CATSPERE: variants seen among roughly 807,000 people sequenced by gnomAD.
CATSPERE encodes cation channel sperm-associated auxiliary subunit epsilon.
CATSPERE carries 93 observed loss-of-function variants against 114.1 expected under a neutral mutation model. The observed-to-expected ratio is 0.81, with a 90% confidence interval of 0.69 to 0.97. CATSPERE has a LOEUF of 0.97. Among genes scored for constraint, CATSPERE ranks in the 50% least tolerant of loss-of-function variants. The pLI is 0.00. For synonymous variants in CATSPERE, 341 were observed against 384.1 expected, an observed-to-expected ratio of 0.89 and a Z score of 1.31; for missense variants, 1,058 against 1,131.6, an observed-to-expected ratio of 0.93 and a Z score of 0.93.
chr1:244,584,867 C>T (rs938080388), intron 13 of CATSPERE, among the ~76,000 whole-genome samples: 1 of 152,126 alleles, frequency 6.6e-6, no homozygotes, highest in East Asian at 1.9e-4. Context: ...CCCAGGAAAT[C>T]GCCTGCAGGT....
chr1:244,627,772 C>CTTATTGGATTTCTCCTAATCCAATGG (rs1673396711), intron 20 of CATSPERE, among the ~76,000 whole-genome samples: 1 of 152,170 alleles, frequency 6.6e-6, no homozygotes, highest in African/African-American at 2.4e-5. Context: ...TCTCCTTATC[C>CTTATTGGATTTCTCCTAATCCAATGG]ACAGTTTCGC....
intron 17 of CATSPERE, among the ~76,000 whole-genome samples, chr1:244,604,380 C>T (rs1203797994): frequency 6.6e-6 from 1 of 152,210 alleles, no homozygotes; most frequent in Non-Finnish European, 1.5e-5. Flanking sequence ...AAATTTTTGT[C>T]CCCAGTTTGT....
At chr1:244,458,035 G>T (rs1385914278), upstream of CATSPERE, among the ~76,000 whole-genome samples, 3 of 152,138 alleles carry the variant, frequency 2.0e-5, no homozygotes, top group Admixed American at 6.5e-5. Flanking sequence ...AACAGTGGCT[G>T]CCCTAAAATG....
intron 5 of CATSPERE, 131 bp from the exon 6 acceptor site, chr1:244,490,316 A>T (rs1278822021): frequency 1.8e-6 from 1 of 556,438 alleles, no homozygotes; most frequent in Non-Finnish European, 3.1e-6. Flanking sequence ...TTTAGCCTTT[A>T]ATTTTATATA....
At chr1:244,631,665 A>G (rs1673960393) in intron 20 of CATSPERE, among the ~76,000 whole-genome samples, 1 of 152,280 alleles carries the variant, frequency 6.6e-6, no homozygotes, top group African/African-American at 2.4e-5. Flanking sequence ...ACCTCTCCAG[A>G]GAAGATAAAT....
At chr1:244,502,276 T>C (rs557887743) in intron 7 of CATSPERE, among the ~76,000 whole-genome samples, 2 of 152,360 alleles carry the variant, frequency 1.3e-5, no homozygotes, top group Admixed American at 1.3e-4. Flanking sequence ...ACATTTTTCC[T>C]GCTTTTACTT....
chr1:244,610,712 C>T (rs1670599974), intron 19 of CATSPERE: 1 of 211,372 alleles, frequency 4.7e-6, no homozygotes, highest in East Asian at 1.2e-4. Context: ...AAAACTTAAC[C>T]ATCACTTTCA....
intron 19 of CATSPERE, among the ~76,000 whole-genome samples, 187 bp from the exon 20 acceptor site, chr1:244,617,342 A>G (rs1573025812): frequency 6.6e-6 from 1 of 152,198 alleles, no homozygotes; most frequent in Non-Finnish European, 1.5e-5. Flanking sequence ...GCTTTCACTA[A>G]GCTTCACTTT....
intron 17 of CATSPERE, among the ~76,000 whole-genome samples, chr1:244,597,129 C>G (rs1668542897): frequency 6.6e-6 from 1 of 152,194 alleles, no homozygotes; most frequent in Non-Finnish European, 1.5e-5. Flanking sequence ...CTGACTCATC[C>G]TACAAATATA....
chr1:244,492,284 T>C (rs1289693010), intron 6 of CATSPERE, among the ~76,000 whole-genome samples: 1 of 152,150 alleles, frequency 6.6e-6, no homozygotes, highest in Non-Finnish European at 1.5e-5. Flanking sequence ...GCAAGGCTGG[T>C]TCAACATATG....
chr1:244,563,139 G>A (rs1662854249), intron 10 of CATSPERE, among the ~76,000 whole-genome samples: 2 of 152,186 alleles, frequency 1.3e-5, no homozygotes, highest in African/African-American at 4.8e-5. Context: ...TATCACTGAT[G>A]GGCATTTGGG....
chr1:244,561,666 TAAG>T (rs991086463), intron 10 of CATSPERE, among the ~76,000 whole-genome samples: 1 of 151,750 alleles, frequency 6.6e-6, no homozygotes. Flanking sequence ...GCCACAGTGA[TAAG>T]AAGACAAAGT....
At chr1:244,631,310 A>G (rs1673915497) in intron 20 of CATSPERE, among the ~76,000 whole-genome samples, 2 of 152,202 alleles carry the variant, frequency 1.3e-5, no homozygotes, top group African/African-American at 2.4e-5. Flanking sequence ...GAATATAGAA[A>G]TCATAGACCT....
intron 9 of CATSPERE, 122 bp from the exon 10 acceptor site, chr1:244,560,545 CA>C (rs1662398155): frequency 1.9e-6 from 1 of 536,242 alleles, no homozygotes; most frequent in Admixed American, 4.0e-5. Context: ...ACCTGTTCCC[CA>C]AAAACCTATT....
chr1:244,538,134 G>A (rs763496224), intron 8 of CATSPERE, among the ~76,000 whole-genome samples: 18 of 152,070 alleles, frequency 1.2e-4, no homozygotes, highest in Non-Finnish European at 1.8e-4. Flanking sequence ...GCCAGCCTGG[G>A]CAACATAATG....
intron 5 of CATSPERE, among the ~76,000 whole-genome samples, chr1:244,489,363 T>C (rs923918746): frequency 6.6e-6 from 1 of 151,850 alleles, no homozygotes; most frequent in Non-Finnish European, 1.5e-5. Flanking sequence ...TAGGGTTTTT[T>C]ATGCAGAATG....
At chr1:244,625,442 T>A (rs1427609073) in intron 20 of CATSPERE, among the ~76,000 whole-genome samples, 1 of 62,902 alleles carries the variant, frequency 1.6e-5, no homozygotes, top group Non-Finnish European at 2.8e-5. Context: ...ATTTTTTTTT[T>A]TTTTTGAGAT....
At chr1:244,620,952 T>C (rs1038881497) in intron 20 of CATSPERE, among the ~76,000 whole-genome samples, 2 of 144,548 alleles carry the variant, frequency 1.4e-5, no homozygotes, top group South Asian at 4.2e-4. Flanking sequence ...GCAAAATCCT[T>C]AGGGAAGATG....
intron 1 of CATSPERE, among the ~76,000 whole-genome samples, chr1:244,463,148 TTAAAA>T (rs1667073285): frequency 6.6e-6 from 1 of 152,198 alleles, no homozygotes; most frequent in South Asian, 2.1e-4. Context: ...TGAATAAAAC[TTAAAA>T]TTAATTAATT....
Sources: allele counts gnomAD v4.1 joint callset (sites outside exome capture counted in the v4.1 genomes callset), GRCh38; gene constraint gnomAD v4.1.1; transcripts MANE v1.5; gene names NCBI Gene and HGNC (gene_info 2026-07-23, HGNC 2026-07-21).